PDSS2: variants seen among roughly 807,000 people sequenced by gnomAD.
PDSS2 encodes the protein decaprenyl diphosphate synthase subunit 2, also known as all trans-polyprenyl-diphosphate synthase PDSS2.
In PDSS2, 31 loss-of-function variants were observed where a neutral mutation model predicts 44.5. That is an observed-to-expected ratio of 0.70 (90% CI 0.52 to 0.94). The LOEUF (loss-of-function observed/expected upper bound fraction) is 0.94, where lower values mean the gene tolerates loss of function less well. PDSS2 is among the 40% of genes least tolerant of loss of function. PDSS2 has a pLI of 0.00. For synonymous variants in PDSS2, 157 were observed against 180.3 expected, an observed-to-expected ratio of 0.87 and a Z score of 1.03; for missense variants, 452 against 482.2, an observed-to-expected ratio of 0.94 and a Z score of 0.59.
At chr6:107,281,876 G>A (rs902544698) in intron 2 of PDSS2, among the ~76,000 whole-genome samples, 1 of 151,942 alleles carries the variant, frequency 6.6e-6, no homozygotes, top group Non-Finnish European at 1.5e-5. Flanking sequence ...TCTGTTAAAT[G>A]AACAACTCTT....
At chr6:107,294,756 C>T (rs1776455416) in intron 2 of PDSS2, among the ~76,000 whole-genome samples, 1 of 152,052 alleles carries the variant, frequency 6.6e-6, no homozygotes, top group Non-Finnish European at 1.5e-5. Flanking sequence ...TTGCCCAGGG[C>T]CTTATGACTA....
At chr6:107,260,984 T>C (rs1775202919) in intron 3 of PDSS2, among the ~76,000 whole-genome samples, 2 of 152,092 alleles carry the variant, frequency 1.3e-5, no homozygotes, top group East Asian at 1.9e-4. Context: ...TCATGGACAT[T>C]TGCTAGATCT....
chr6:107,457,982 T>A (rs1782099452), intron 1 of PDSS2, among the ~76,000 whole-genome samples: 2 of 152,002 alleles, frequency 1.3e-5, no homozygotes, highest in South Asian at 2.1e-4. Context: ...CAGAAAAAAA[T>A]ATATAGAAAG....
chr6:107,456,546 T>C (rs972845018), intron 1 of PDSS2, among the ~76,000 whole-genome samples: 4 of 152,198 alleles, frequency 2.6e-5, no homozygotes, highest in African/African-American at 7.2e-5. Flanking sequence ...AAAATAACAA[T>C]GTAATTTTAC....
chr6:107,280,089 T>G (rs1775910416), intron 2 of PDSS2, among the ~76,000 whole-genome samples: 1 of 152,158 alleles, frequency 6.6e-6, no homozygotes. Flanking sequence ...AGATGGAGTC[T>G]TGCTCTGTCA....
intron 1 of PDSS2, among the ~76,000 whole-genome samples, chr6:107,342,896 G>T (rs1215692332): frequency 6.6e-6 from 1 of 152,154 alleles, no homozygotes; most frequent in African/African-American, 2.4e-5. Flanking sequence ...AAAACTGAGT[G>T]GGAAAGAATC....
intron 7 of PDSS2, among the ~76,000 whole-genome samples, chr6:107,188,076 T>C (rs1772236123): frequency 6.6e-6 from 1 of 152,146 alleles, no homozygotes; most frequent in Admixed American, 6.5e-5. Flanking sequence ...GTGCCTCCAA[T>C]ATATTAACAT....
intron 1 of PDSS2, 129 bp downstream of exon 1, chr6:107,458,861 T>C: frequency 1.3e-6 from 1 of 763,830 alleles, no homozygotes; most frequent in Non-Finnish European, 2.2e-6. Flanking sequence ...CTAGGAGGAG[T>C]GAGTAAAAAG....
Position 107,217,517 on chromosome 6 carries a change from T to G in PDSS2, c.703-5235A>C, listed in dbSNP as rs532274121. 3.3e-5 allele frequency among the ~76,000 whole-genome samples: 5 copies of G among 152,156 alleles called. No homozygotes were observed. In the South Asian group the frequency reaches 1.0e-3, roughly 32 times the overall value. On this transcript the variant is annotated intron_variant, in intron 4 of 7. Coordinates refer to ENST00000369037, the MANE Select transcript of PDSS2 (RefSeq NM_020381.4). ...TAGAACTCCAGGAAGAATACAAGTC[T>G]GTCAACATCTTGATTTAGTGACTTC...
At chr6:107,286,809 C>G (rs1303365869) in intron 2 of PDSS2, among the ~76,000 whole-genome samples, 2 of 152,012 alleles carry the variant, frequency 1.3e-5, no homozygotes. Context: ...CTTTGAGAGG[C>G]CAAGGTGGAT....
chr6:107,224,830 T>C (rs1773731938), intron 4 of PDSS2, among the ~76,000 whole-genome samples: 1 of 151,018 alleles, frequency 6.6e-6, no homozygotes, highest in African/African-American at 2.5e-5. Context: ...AACTAGCATC[T>C]TAAAACAACT....
At chr6:107,202,955 CTTG>C (rs1300958834) in intron 6 of PDSS2, among the ~76,000 whole-genome samples, 1 of 151,378 alleles carries the variant, frequency 6.6e-6, no homozygotes, top group Non-Finnish European at 1.5e-5. Flanking sequence ...GCTCAGAGGT[CTTG>C]TTATTTCTTT....
intron 2 of PDSS2, among the ~76,000 whole-genome samples, chr6:107,291,123 C>T (rs1489606224): frequency 6.6e-6 from 1 of 151,920 alleles, no homozygotes; most frequent in Middle Eastern, 3.2e-3. Context: ...ATTATAAGTG[C>T]CAAATATTAA....
At chr6:107,380,399 C>T (rs940436746) in intron 1 of PDSS2, among the ~76,000 whole-genome samples, 1 of 152,148 alleles carries the variant, frequency 6.6e-6, no homozygotes, top group African/African-American at 2.4e-5. Flanking sequence ...TTATGTTAGA[C>T]AGAAAGGCCA....
chr6:107,177,681 T>C (rs980418037), intron 7 of PDSS2, among the ~76,000 whole-genome samples: 4 of 152,172 alleles, frequency 2.6e-5, no homozygotes, highest in Non-Finnish European at 5.9e-5. Flanking sequence ...ATTCTACACA[T>C]TGAAATTCAA....
intron 6 of PDSS2, among the ~76,000 whole-genome samples, chr6:107,204,475 C>T (rs1293505399): frequency 6.6e-6 from 1 of 152,126 alleles, no homozygotes; most frequent in Non-Finnish European, 1.5e-5. Flanking sequence ...ATTACTATTT[C>T]AGAGCAATTC....
At chr6:107,219,005 C>A (rs6915343) in intron 4 of PDSS2, among the ~76,000 whole-genome samples, 115,206 of 150,914 alleles carry the variant, frequency 0.76, 44,729 homozygotes, top group East Asian at 0.99. Context: ...TTGCAGTGAG[C>A]CGACATCACG....
chr6:107,213,217 G>A (rs1773288527), intron 4 of PDSS2, among the ~76,000 whole-genome samples: 1 of 151,764 alleles, frequency 6.6e-6, no homozygotes, highest in African/African-American at 2.4e-5. Flanking sequence ...CTCCATGTTG[G>A]CCAGGCTGGT....
intron 1 of PDSS2, among the ~76,000 whole-genome samples, chr6:107,395,213 G>T (rs1779904181): frequency 6.6e-6 from 1 of 151,740 alleles, no homozygotes; most frequent in African/African-American, 2.4e-5. Context: ...CTGAATTTAA[G>T]ATTTTTCTCT....
Sources: gnomAD v4.1 joint callset for allele counts (sites outside exome capture counted in the v4.1 genomes callset) on GRCh38, gnomAD v4.1.1 for gene constraint, MANE v1.5 for transcripts, NCBI Gene and HGNC (gene_info 2026-07-23, HGNC 2026-07-21) for gene names.